The following AXIN1 variants were observed in gnomAD, a reference collection of about 807,000 sequenced individuals.
AXIN1 encodes the protein axin 1, also known as axin-1.
In AXIN1, 30 loss-of-function variants were observed where a neutral mutation model predicts 76.4. The observed-to-expected ratio is 0.39, with a 90% CI of 0.29 to 0.53. The LOEUF (loss-of-function observed/expected upper bound fraction) is 0.53, where lower values mean the gene tolerates loss of function less well. AXIN1 is among the 20% of genes least tolerant of loss of function. The pLI, the probability that AXIN1 is intolerant of heterozygous loss-of-function variation, is 0.66. For synonymous variants in AXIN1, 545 were observed against 501.4 expected (o/e 1.09, Z -1.16); for missense variants, 1,140 against 1,198.8 (o/e 0.95, Z 0.72).
At chr16:330,887 G>A (rs147217581) in intron 2 of AXIN1, among the ~76,000 whole-genome samples, 73 of 152,294 alleles carry the variant, frequency 4.8e-4, no homozygotes, top group African/African-American at 1.7e-3. Context: ...ATTTGGAAGT[G>A]GCAATTCCCA....
chr16:289,811 C>T (rs1220585232), intron 9 of AXIN1: 9 of 667,820 alleles, frequency 1.3e-5, no homozygotes, highest in Non-Finnish European at 2.3e-5. Context: ...GCTCCGCTCA[C>T]TGGGAGCACG....
At chr16:313,322 T>C (rs2053225174) in intron 3 of AXIN1, among the ~76,000 whole-genome samples, 1 of 152,166 alleles carries the variant, frequency 6.6e-6, no homozygotes, top group South Asian at 2.1e-4. Flanking sequence ...ACCATAAAAA[T>C]GGTACATACA....
At position 324,566 on chromosome 16, in the gene AXIN1, C is replaced by T. The variant is rs186615481; in HGVS notation, c.879-9883G>A. 3.7e-4 allele frequency among the ~76,000 whole-genome samples: 57 copies of T among 152,334 alleles called. 3 individuals are homozygous for T. Among genetic ancestry groups the T allele is most frequent in the South Asian group, 2.5e-3 (12 of 4,832 alleles). Reference sequence around the variant, plus strand: ...TTGACAAACACAACTGAGCAGAAAACGCCCGCAGGTGGTCAGTAGGCGCTT... The same window carrying T: ...TTGACAAACACAACTGAGCAGAAAATGCCCGCAGGTGGTCAGTAGGCGCTT... On this transcript the variant is annotated intron_variant, in intron 2 of 10. Coordinates refer to ENST00000262320, the MANE Select transcript of AXIN1 (RefSeq NM_003502.4).
intron 2 of AXIN1, among the ~76,000 whole-genome samples, chr16:335,570 C>T (rs1301903730): frequency 1.3e-5 from 2 of 151,652 alleles, no homozygotes; most frequent in African/African-American, 4.8e-5. Flanking sequence ...ATGCCAATAA[C>T]ACAGCACCCA....
intron 5 of AXIN1, among the ~76,000 whole-genome samples, chr16:303,466 C>G (rs2052930626): frequency 6.6e-6 from 1 of 151,898 alleles, no homozygotes; most frequent in Non-Finnish European, 1.5e-5. Flanking sequence ...ACTGAAGCCT[C>G]TGCCTCCTGG....
intron 2 of AXIN1, among the ~76,000 whole-genome samples, chr16:338,721 G>A (rs537003765): frequency 6.6e-6 from 1 of 152,130 alleles, no homozygotes; most frequent in Non-Finnish European, 1.5e-5. Context: ...TCAAGATTTC[G>A]AGACCAGCCT....
chr16:352,257 G>A, intron 1 of AXIN1, 112 bp downstream of exon 1: 1 of 639,020 alleles, frequency 1.6e-6, no homozygotes, highest in Non-Finnish European at 1.9e-6. Context: ...CTCCCCGCGC[G>A]CCCACCCCCT....
chr16:314,468 C>G (rs2141591534), intron 3 of AXIN1, 75 bp downstream of exon 3: 1 of 1,598,462 alleles, frequency 6.3e-7, no homozygotes, highest in East Asian at 2.2e-5. Context: ...TTGCTGTCCT[C>G]AAGGGACAAG....
chr16:297,603 G>A (rs1596996448), intron 6 of AXIN1, 119 bp downstream of exon 6: 2 of 1,367,978 alleles, frequency 1.5e-6, no homozygotes, highest in Non-Finnish European at 9.7e-7. Context: ...TCCAGCAGAG[G>A]GGCCTCCTGC....
At chr16:316,922 C>T (rs1170581364) in intron 2 of AXIN1, among the ~76,000 whole-genome samples, 2 of 152,194 alleles carry the variant, frequency 1.3e-5, no homozygotes, top group South Asian at 2.1e-4. Flanking sequence ...ATGACTACCT[C>T]AGTTGGATCT....
intron 2 of AXIN1, among the ~76,000 whole-genome samples, chr16:337,670 C>T (rs1429630381): frequency 6.6e-6 from 1 of 152,190 alleles, no homozygotes; most frequent in African/African-American, 2.4e-5. Flanking sequence ...CCAGCTGAGC[C>T]AAGAGCTGAG....
At chr16:312,436 T>G (rs985723250) in intron 3 of AXIN1, among the ~76,000 whole-genome samples, 1 of 152,214 alleles carries the variant, frequency 6.6e-6, no homozygotes, top group African/African-American at 2.4e-5. Flanking sequence ...TTGGAGAGAA[T>G]TAGGAGACTT....
In AXIN1 at chr16:287,890, C is replaced by T. The variant is rs561459298; in HGVS notation, c.*232G>A. 10 of 648,202 alleles carry T rather than the reference C, an allele frequency of 1.5e-5. No individual in the cohort carries two copies. The Admixed American group carries it at 1.9e-4, about 12-fold the overall frequency. 40.2% of individuals were successfully genotyped at this position (648,202 alleles called of 1,614,324 possible). ...GCTGCCTCACTTGGGCTGGGCCCTCCAAGTATTGCTATGAGGAGTGGTCCA... is the reference window on the plus strand; with the variant it reads ...GCTGCCTCACTTGGGCTGGGCCCTCTAAGTATTGCTATGAGGAGTGGTCCA... On this transcript the variant is annotated 3_prime_UTR_variant, in exon 11 of 11. Transcript: ENST00000262320.
rs2141707036 is a variant in AXIN1, at chr16:346,785, G to A, written c.241C>T (p.Pro81Ser). ...EPEGSASPTP[P>S]YLKWAESLHS... ...AGTGACTCAGCCCACTTCAAGTATG[G>A]TGGGGTGGGGGAGGCACTGCCCTCA... is the stretch of plus-strand genomic sequence containing the variant. The change falls in exon 2 of 11, where the codon CCA (proline) becomes TCA (serine). Residue 81 changes from proline (P) to serine (S), a missense_variant. This residue lies in a region of AXIN1 where 708 missense variants were observed against 776.9 expected (regional missense o/e 0.91). Transcript: ENST00000262320. 1 of 1,611,900 alleles carries A rather than the reference G, an allele frequency of 6.2e-7. No individual in the cohort carries two copies. Among genetic ancestry groups the A allele is most frequent in the South Asian group, 1.1e-5 (1 of 90,988 alleles).
chr16:335,875 T>C (rs1305300062), intron 2 of AXIN1, among the ~76,000 whole-genome samples: 2 of 152,116 alleles, frequency 1.3e-5, no homozygotes, highest in Non-Finnish European at 2.9e-5. Flanking sequence ...AGTTGGAAAG[T>C]AAAATATTTA....
rs764479647 is a variant in AXIN1, at chr16:293,389, G to T, written c.2186+99C>A. The T allele has an allele frequency of 1.0e-5, 13 of 1,275,434 alleles. No homozygotes were observed. The highest frequency in any genetic ancestry group is 1.4e-5 in the Non-Finnish European group (13 of 911,162). 79.0% of individuals were successfully genotyped at this position (1,275,434 alleles called of 1,614,324 possible). A position where few individuals can be genotyped will look rare whatever the true frequency, so the allele number is the denominator to read the frequency against. On this transcript the variant is annotated intron_variant, in intron 8 of 10. Coordinates refer to ENST00000262320, the MANE Select transcript of AXIN1 (RefSeq NM_003502.4). The surrounding 1 kb of genome is among the most constrained non-coding windows in gnomAD (Gnocchi z 4.6). ...ATGGCTGGGGGACACCCAGAGGGCCGTTTTTCCCCTGAAGACCTCAGGCCT... is the reference window on the plus strand; with the variant it reads ...ATGGCTGGGGGACACCCAGAGGGCCTTTTTTCCCCTGAAGACCTCAGGCCT...
intron 4 of AXIN1, 58 bp from the exon 5 acceptor site, chr16:304,499 T>C: frequency 6.2e-7 from 1 of 1,609,634 alleles, no homozygotes; most frequent in Non-Finnish European, 8.5e-7. Context: ...TAAACATTTC[T>C]TTGTGAAGGG....
At chr16:318,403 G>T (rs1195241741) in intron 2 of AXIN1, among the ~76,000 whole-genome samples, 1 of 152,188 alleles carries the variant, frequency 6.6e-6, no homozygotes, top group Non-Finnish European at 1.5e-5. Context: ...TGGGAGAAAA[G>T]AAAAGGAAGA....
chr16:325,345 T>C (rs532622348), intron 2 of AXIN1, among the ~76,000 whole-genome samples: 11 of 152,338 alleles, frequency 7.2e-5, no homozygotes, highest in African/African-American at 2.6e-4. Flanking sequence ...CTTTCTTCAC[T>C]GGCACAGGAT....
Sources: gnomAD v4.1 joint callset for allele counts (sites outside exome capture counted in the v4.1 genomes callset) on GRCh38, gnomAD v4.1.1 for gene constraint, gnomAD v4.1.1 regional missense constraint, Gnocchi (gnomAD v3.1) non-coding constraint, MANE v1.5 for transcripts, NCBI Gene and HGNC (gene_info 2026-07-23, HGNC 2026-07-21) for gene names.